Variants in CPNE8 observed in about 807,000 individuals in gnomAD.
CPNE8 encodes copine-8.
A neutral mutation model predicts 81.5 loss-of-function variants in CPNE8; 45 were observed. The ratio of observed to expected loss-of-function variants is 0.55; its 90% confidence interval spans 0.44 to 0.71. The LOEUF is 0.71. Ranked by LOEUF, CPNE8 falls within the 30% of genes least tolerant of loss-of-function variation. CPNE8 has a pLI of 0.00. For synonymous variants in CPNE8, 252 were observed against 226.3 expected, an observed-to-expected ratio of 1.11 and a Z score of -1.02; for missense variants, 594 against 672.1, an observed-to-expected ratio of 0.88 and a Z score of 1.28.
intron 4 of CPNE8, among the ~76,000 whole-genome samples, 182 bp downstream of exon 4, chr12:38,848,375 AAC>A (rs1339986666): frequency 6.6e-6 from 1 of 152,172 alleles, no homozygotes; most frequent in Non-Finnish European, 1.5e-5. Context: ...CTATTCATTC[AAC>A]ATGTATTCAG....
intron 10 of CPNE8, among the ~76,000 whole-genome samples, chr12:38,751,965 A>G (rs774889567): frequency 6.6e-6 from 1 of 152,138 alleles, no homozygotes; most frequent in Non-Finnish European, 1.5e-5. Context: ...TTCTTTCAGT[A>G]TCTGTTTACT....
chr12:38,806,340 G>T lies in CPNE8; in HGVS notation c.407+23039C>A, dbSNP rs1178321110. ...ACCAATATCCTTGATGAACATTGAT[G>T]CAAAAATCCTCAATAAAATACTGGC... On this transcript the variant is annotated intron_variant, in intron 6 of 19. Transcript: ENST00000331366. Among the ~76,000 whole-genome samples the T allele has an allele frequency of 2.0e-5, 3 of 149,668 alleles. 1 individual carries two copies. The highest frequency in any genetic ancestry group is 4.5e-5 in the Non-Finnish European group (3 of 67,270).
chr12:38,745,193 A>G (rs2136807385), intron 10 of CPNE8, among the ~76,000 whole-genome samples: 1 of 152,308 alleles, frequency 6.6e-6, no homozygotes, highest in Middle Eastern at 3.4e-3. Context: ...TCAGAACCAC[A>G]TGGCCAAAGC....
chr12:38,679,686 T>C (rs544421446), intron 16 of CPNE8: 4 of 985,126 alleles, frequency 4.1e-6, no homozygotes, highest in South Asian at 4.7e-5. Context: ...TTCTACACGT[T>C]GGCACATTGT....
intron 19 of CPNE8, among the ~76,000 whole-genome samples, chr12:38,662,885 G>A (rs1938990135): frequency 6.7e-6 from 1 of 150,020 alleles, no homozygotes; most frequent in Admixed American, 6.6e-5. Flanking sequence ...AACATACACT[G>A]GGGAAAGAAC....
chr12:38,741,415 A>G (rs191086101), intron 10 of CPNE8, among the ~76,000 whole-genome samples: 1,842 of 152,340 alleles, frequency 0.012, 28 homozygotes, highest in Middle Eastern at 0.041. Flanking sequence ...AAACCTGACA[A>G]AAACAAGAAA....
At chr12:38,727,229 T>G (rs1402305322) in intron 11 of CPNE8, among the ~76,000 whole-genome samples, 1 of 152,208 alleles carries the variant, frequency 6.6e-6, no homozygotes, top group African/African-American at 2.4e-5. Context: ...TTAACTTGCT[T>G]TACTGCAATC....
intron 6 of CPNE8, among the ~76,000 whole-genome samples, chr12:38,812,719 C>T (rs78953631): frequency 1.1e-4 from 16 of 152,278 alleles, no homozygotes; most frequent in South Asian, 6.2e-4. Flanking sequence ...AATGGATTAA[C>T]GCCACTATTA....
chr12:38,797,868 C>T (rs925478533), intron 6 of CPNE8, among the ~76,000 whole-genome samples: 4 of 152,198 alleles, frequency 2.6e-5, no homozygotes, highest in African/African-American at 4.8e-5. Context: ...GCTGATGGAG[C>T]TGAAAGCAAA....
intron 1 of CPNE8, among the ~76,000 whole-genome samples, chr12:38,885,440 GAGAC>G (rs1167721562): frequency 6.6e-6 from 1 of 152,148 alleles, no homozygotes; most frequent in African/African-American, 2.4e-5. Context: ...GCTCTACTGT[GAGAC>G]AGACAAATAT....
At chr12:38,814,484 TC>T (rs1942991601) in intron 6 of CPNE8, among the ~76,000 whole-genome samples, 1 of 151,718 alleles carries the variant, frequency 6.6e-6, no homozygotes. Flanking sequence ...GCCCAGCTAA[TC>T]TTTTTTTTGG....
At chr12:38,695,586 A>G in intron 14 of CPNE8, among the ~76,000 whole-genome samples, 1 of 152,200 alleles carries the variant, frequency 6.6e-6, no homozygotes, top group East Asian at 1.9e-4. Context: ...CTTCTAAAGT[A>G]GGGACTTTGC....
intron 19 of CPNE8, among the ~76,000 whole-genome samples, chr12:38,658,973 A>G (rs1293222559): frequency 6.6e-6 from 1 of 152,202 alleles, no homozygotes. Context: ...CATCAATGCT[A>G]TGAAGAAACT....
At chr12:38,875,822 C>T (rs1413547614) in intron 1 of CPNE8, among the ~76,000 whole-genome samples, 1 of 152,156 alleles carries the variant, frequency 6.6e-6, no homozygotes, top group East Asian at 1.9e-4. Context: ...TAAATTAATC[C>T]TTTCTGTCCC....
intron 1 of CPNE8, among the ~76,000 whole-genome samples, chr12:38,898,917 G>T (rs1463694499): frequency 6.6e-6 from 1 of 152,178 alleles, no homozygotes; most frequent in Admixed American, 6.5e-5. Context: ...AGTGGATGGA[G>T]AAAGAGGGAA....
chr12:38,783,683 T>C (rs1942104139), intron 6 of CPNE8, among the ~76,000 whole-genome samples: 1 of 152,162 alleles, frequency 6.6e-6, no homozygotes, highest in African/African-American at 2.4e-5. Context: ...AGAGAGACCC[T>C]GTTTGTTTGG....
At chr12:38,685,458 C>A (rs760818241) in intron 16 of CPNE8, 32 bp downstream of exon 16, 1 of 1,604,120 alleles carries the variant, frequency 6.2e-7, no homozygotes, top group Non-Finnish European at 8.5e-7. Flanking sequence ...TCCAGTACAT[C>A]AGAATAAGCA....
In CPNE8 at chr12:38,873,062, G is replaced by T; in HGVS notation, c.140-12C>A. 1 of 1,472,586 alleles carries T rather than the reference G, an allele frequency of 6.8e-7. No homozygotes were observed. Among genetic ancestry groups the T allele is most frequent in the Non-Finnish European group, 9.4e-7 (1 of 1,061,918 alleles). 91.2% of individuals were successfully genotyped at this position (1,472,586 alleles called of 1,614,324 possible). A position where few individuals can be genotyped will look rare whatever the true frequency, so the allele number is the denominator to read the frequency against. On this transcript the variant is annotated splice_polypyrimidine_tract_variant and intron_variant, in intron 2 of 19. Coordinates refer to ENST00000331366, the MANE Select transcript of CPNE8 (RefSeq NM_153634.3). Reference sequence around the variant, plus strand: ...ATATAAGACACAAACTACAAAAGATGAAAAAATACGCACATATAAATGTCT... The same window carrying T: ...ATATAAGACACAAACTACAAAAGATTAAAAAATACGCACATATAAATGTCT...
chr12:38,685,106 G>A (rs1042639099), intron 16 of CPNE8, among the ~76,000 whole-genome samples: 1 of 152,138 alleles, frequency 6.6e-6, no homozygotes, highest in Non-Finnish European at 1.5e-5. Flanking sequence ...ATAGAATTCA[G>A]TCTCTTACTA....
Sources: allele counts gnomAD v4.1 joint callset (sites outside exome capture counted in the v4.1 genomes callset), GRCh38; gene constraint gnomAD v4.1.1; transcripts MANE v1.5; gene names NCBI Gene and HGNC (gene_info 2026-07-23, HGNC 2026-07-21).